The following PFKFB2 variants were observed in gnomAD, a reference collection of about 807,000 sequenced individuals.
PFKFB2 encodes 6-phosphofructo-2-kinase/fructose-2,6-biphosphatase 2, also known as 6-phosphofructo-2-kinase/fructose-2,6-bisphosphatase 2.
PFKFB2 carries 53 observed loss-of-function variants against 68.0 expected under a neutral mutation model. The observed-to-expected ratio is 0.78, with a 90% CI of 0.63 to 0.98. PFKFB2 has a LOEUF of 0.98. Among genes scored for constraint, PFKFB2 ranks in the 50% least tolerant of loss-of-function variants. PFKFB2 has a pLI of 0.00. For synonymous variants in PFKFB2, 222 were observed against 227.6 expected (o/e 0.98, Z 0.22); for missense variants, 451 against 642.0 (o/e 0.70, Z 3.22).
intron 11 of PFKFB2, 78 bp downstream of exon 11, chr1:207,069,606 A>G (rs1160916856): frequency 5.2e-6 from 5 of 970,540 alleles, no homozygotes; most frequent in African/African-American, 1.6e-5. Flanking sequence ...GAAGGATTGA[A>G]TGTGATTTGG....
intron 10 of PFKFB2, 47 bp downstream of exon 10, chr1:207,068,356 G>T: frequency 6.8e-7 from 1 of 1,468,736 alleles, no homozygotes; most frequent in Non-Finnish European, 9.1e-7. Context: ...AAGAGTTCAG[G>T]CAGGAACTCT....
At chr1:207,042,898 G>A (rs181127052) in intron 2 of PFKFB2, among the ~76,000 whole-genome samples, 1 of 152,254 alleles carries the variant, frequency 6.6e-6, no homozygotes, top group Admixed American at 6.5e-5. Context: ...AACTGTAAGT[G>A]GTGAGTGAAA....
At chr1:207,052,093 C>T, upstream of PFKFB2, 1 of 1,064,474 alleles carries the variant, frequency 9.4e-7, no homozygotes, top group Non-Finnish European at 1.4e-6. Flanking sequence ...ATTCAGACAG[C>T]AAGTCCCACT....
In PFKFB2 at chr1:207,074,007, A is replaced by T. The variant is rs933419893; in HGVS notation, c.*1636A>T. ...AGACTTTTTGCTGTGGTTCTCATCC[A>T]GGAGTATTCCTTAGAATTGCCTTTA... On this transcript the variant is annotated 3_prime_UTR_variant, in exon 15 of 15. Transcript: ENST00000367080. 2.0e-6 allele frequency: 2 copies of T among 980,162 alleles called. No individual in the cohort carries two copies. Among genetic ancestry groups the T allele is most frequent in the African/African-American group, 3.5e-5 (2 of 57,142 alleles). 60.7% of individuals were successfully genotyped at this position (980,162 alleles called of 1,614,324 possible).
intron 3 of PFKFB2, 139 bp from the exon 4 acceptor site, chr1:207,062,481 A>T: frequency 7.5e-7 from 1 of 1,332,930 alleles, no homozygotes; most frequent in Non-Finnish European, 1.0e-6. Context: ...TTGACTCTTA[A>T]TCTGATATTG....
chr1:207,051,519 G>A (rs561186453), upstream of PFKFB2, among the ~76,000 whole-genome samples: 2 of 152,308 alleles, frequency 1.3e-5, no homozygotes, highest in South Asian at 2.1e-4. Context: ...TGGCCTTTCT[G>A]CCTCCCTGGG....
chr1:207,043,666 C>G (rs1451903533), intron 2 of PFKFB2, among the ~76,000 whole-genome samples: 2 of 152,136 alleles, frequency 1.3e-5, no homozygotes, highest in Non-Finnish European at 2.9e-5. Flanking sequence ...GGAATTTCAA[C>G]CTTTCGTTAA....
chr1:207,073,383 G>C lies in PFKFB2; in HGVS notation c.*1012G>C. The C allele has an allele frequency of 1.0e-6, 1 of 985,432 alleles. No individual in the cohort carries two copies. Among genetic ancestry groups the C allele is most frequent in the Non-Finnish European group, 1.2e-6 (1 of 829,926 alleles). The allele number at this position is 985,432 out of a possible 1,614,324, so 61.0% of individuals were successfully genotyped here. A position where few individuals can be genotyped will look rare whatever the true frequency, so the allele number is the denominator to read the frequency against. On this transcript the variant is annotated 3_prime_UTR_variant, in exon 15 of 15. Transcript: ENST00000367080. ...CCTGCCAAAGCCAGTATCCTCTGGG[G>C]CTGTTTAGAAGGGCAGTTAGATTCA...
chr1:207,072,445 C>A lies in PFKFB2; in HGVS notation c.*74C>A. On this transcript the variant is annotated 3_prime_UTR_variant, in exon 15 of 15. Coordinates refer to ENST00000367080, the MANE Select transcript of PFKFB2 (RefSeq NM_006212.2). Reference sequence around the variant, plus strand: ...CAGCCCTGGCCTCCTGCCCTTGTCACTAATCACCAAGGAGTCATTAACTTC... The same window carrying A: ...CAGCCCTGGCCTCCTGCCCTTGTCAATAATCACCAAGGAGTCATTAACTTC... The A allele has an allele frequency of 6.5e-7, 1 of 1,547,182 alleles. No individual in the cohort carries two copies. The highest frequency in any genetic ancestry group is 8.7e-7 in the Non-Finnish European group (1 of 1,149,908).
Position 207,070,450 on chromosome 1 carries a change from G to C in PFKFB2, c.1222+41G>C, listed in dbSNP as rs757221768. The C allele has an allele frequency of 5.0e-6, 8 of 1,605,736 alleles. No homozygotes were observed. The highest frequency in any genetic ancestry group is 1.3e-5 in the African/African-American group (1 of 74,750). The stretch of plus-strand genomic sequence containing the variant: ...GGGCTGGGAGACACATCCAGTGGGA[G>C]AGGGCTGGACTTGCAGTGGCACCAG... On this transcript the variant is annotated intron_variant, in intron 12 of 14. Transcript: ENST00000367080. The surrounding 1 kb of genome is among the most constrained non-coding windows in gnomAD (Gnocchi z 4.2).
intron 2 of PFKFB2, among the ~76,000 whole-genome samples, chr1:207,042,416 T>C (rs761405193): frequency 1.3e-5 from 2 of 151,108 alleles, no homozygotes; most frequent in Non-Finnish European, 3.0e-5. Flanking sequence ...GGCGTGGTGG[T>C]GGGCGCCTGT....
upstream of PFKFB2, chr1:207,052,278 A>G (rs776216880): frequency 2.1e-5 from 33 of 1,559,248 alleles, no homozygotes; most frequent in Non-Finnish European, 2.9e-5. Context: ...TGCTGGTGCA[A>G]TTTTCCTCCT....
chr1:207,070,277 C>A lies in PFKFB2; in HGVS notation c.1093-3C>A. On this transcript the variant is annotated splice_region_variant and splice_polypyrimidine_tract_variant and intron_variant, in intron 11 of 14. Coordinates refer to ENST00000367080, the MANE Select transcript of PFKFB2 (RefSeq NM_006212.2). The surrounding 1 kb of genome is among the most constrained non-coding windows in gnomAD (Gnocchi z 4.2). ...TGCCAGCCTGCCCCATTTCCCTCCACAGTCATACCAGGACCTGGTGCAGCG... is the reference window on the plus strand; with the variant it reads ...TGCCAGCCTGCCCCATTTCCCTCCAAAGTCATACCAGGACCTGGTGCAGCG... 1 of 1,612,952 alleles carries A rather than the reference C, an allele frequency of 6.2e-7. No homozygotes were observed. The highest frequency in any genetic ancestry group is 1.3e-5 in the African/African-American group (1 of 74,998).
chr1:207,074,266 C>T lies in PFKFB2; in HGVS notation c.*1895C>T, dbSNP rs927938999. ...TGAATTCCTCATAGTCCTGAAAGGA[C>T]AGTTCTTTGGGTTTGATGTTTGAGC... On this transcript the variant is annotated 3_prime_UTR_variant, in exon 15 of 15. Coordinates refer to ENST00000367080, the MANE Select transcript of PFKFB2 (RefSeq NM_006212.2). 2 of 985,230 alleles carry T rather than the reference C, an allele frequency of 2.0e-6. No individual in the cohort carries two copies. The allele number at this position is 985,230 out of a possible 1,614,324, so 61.0% of individuals were successfully genotyped here. A position where few individuals can be genotyped will look rare whatever the true frequency, so the allele number is the denominator to read the frequency against.
intron 2 of PFKFB2, chr1:207,043,844 AAAC>A (rs1006125527): frequency 1.3e-5 from 2 of 152,618 alleles, no homozygotes; most frequent in African/African-American, 4.8e-5. Context: ...AAATATACTC[AAAC>A]AACGTTTTCA....
rs547745272 is a variant in PFKFB2, at chr1:207,073,282, C to T, written c.*911C>T. 1 of 985,408 alleles carries T rather than the reference C, an allele frequency of 1.0e-6. No individual in the cohort carries two copies. Among genetic ancestry groups the T allele is most frequent in the East Asian group, 1.1e-4 (1 of 8,814 alleles). 61.0% of individuals were successfully genotyped at this position (985,408 alleles called of 1,614,324 possible). On this transcript the variant is annotated 3_prime_UTR_variant, in exon 15 of 15. Transcript: ENST00000367080. ...TAGGAGAGTAGGGTGGGCTCTAGCT[C>T]TTGCAGGGCTCTTAGAGAGCAGTCA...
At chr1:207,035,214 T>G in intron 1 of PFKFB2, 2 of 985,626 alleles carry the variant, frequency 2.0e-6, no homozygotes, top group Non-Finnish European at 1.2e-6. Flanking sequence ...TGGTCATCTC[T>G]TTGACTGTCA....
Position 207,069,457 on chromosome 1 carries a change from G to A in PFKFB2, c.1021G>A (p.Glu341Lys). 6.2e-7 allele frequency: 1 copy of A among 1,614,064 alleles called. No individual in the cohort carries two copies. Among genetic ancestry groups the A allele is most frequent in the Admixed American group, 1.7e-5 (1 of 60,016 alleles). ...TGAAGAGATGACCTATGCAGAGATT[G>A]AGAAACGGTACCCAGAAGAGTTTGC... is the stretch of plus-strand genomic sequence containing the variant. ...VCEEMTYAEIEKRYPEEFALR... is the reference protein window; with the variant it reads ...VCEEMTYAEIKKRYPEEFALR... The change falls in exon 11 of 15, where the codon GAG becomes AAG. Residue 341 changes from glutamate (E) to lysine (K), a missense_variant. Transcript: ENST00000367080.
intron 2 of PFKFB2, among the ~76,000 whole-genome samples, chr1:207,061,152 T>TC (rs1683093502): frequency 2.8e-5 from 3 of 105,628 alleles, no homozygotes; most frequent in Admixed American, 1.1e-4. Flanking sequence ...TTTATATATA[T>TC]TTATATATAT....
Sources: allele counts gnomAD v4.1 joint callset (sites outside exome capture counted in the v4.1 genomes callset), GRCh38; gene constraint gnomAD v4.1.1; non-coding constraint Gnocchi (gnomAD v3.1); transcripts MANE v1.5; gene names NCBI Gene and HGNC (gene_info 2026-07-23, HGNC 2026-07-21).